DCPS: variants seen among roughly 807,000 people sequenced by gnomAD.
DCPS encodes decapping enzyme, scavenger.
DCPS carries 27 observed loss-of-function variants against 34.7 expected under a neutral mutation model. The ratio of observed to expected loss-of-function variants is 0.78; its 90% confidence interval spans 0.57 to 1.07. The LOEUF is 1.07. Among genes scored for constraint, DCPS ranks in the 50% least tolerant of loss-of-function variants. The pLI is 0.00. For synonymous variants in DCPS, 185 were observed against 185.7 expected, an observed-to-expected ratio of 1.00 and a Z score of 0.03; for missense variants, 464 against 436.9, an observed-to-expected ratio of 1.06 and a Z score of -0.55.
Position 126,345,470 on chromosome 11 carries a change from G to A in DCPS, c.871G>A (p.Gly291Ser), listed in dbSNP as rs1203872745. Reference sequence around the variant, plus strand: ...CCTGGGCTTCGAGGCCCCCGGCTCAGGCGTGGAGCGGGCCCACCTGCTGGC... The same window carrying A: ...CCTGGGCTTCGAGGCCCCCGGCTCAAGCGTGGAGCGGGCCCACCTGCTGGC... ...TALGFEAPGSGVERAHLLAEV... is the reference protein window; with the variant it reads ...TALGFEAPGSSVERAHLLAEV... The change falls in exon 6 of 6, where the codon GGC becomes AGC. Residue 291 changes from glycine (G) to serine (S), a missense_variant. By Grantham distance (56) the Gly-to-Ser change is moderately conservative. Transcript: ENST00000263579. The surrounding 1 kb of genome is among the most constrained non-coding windows in gnomAD (Gnocchi z 7.4). The A allele has an allele frequency of 6.2e-7, 1 of 1,614,056 alleles. No homozygotes were observed. The highest frequency in any genetic ancestry group is 2.2e-5 in the East Asian group (1 of 44,898).
intron 2 of DCPS, among the ~76,000 whole-genome samples, chr11:126,309,024 CT>C (rs543850318): frequency 0.067 from 9,300 of 138,212 alleles, 364 homozygotes; most frequent in East Asian, 0.16. Flanking sequence ...TTTCCTGCCC[CT>C]TTTTTTTTTT....
At position 126,336,869 on chromosome 11, in the gene DCPS, A is replaced by C. The variant is rs1352668792; in HGVS notation, c.523-1417A>C. On this transcript the variant is annotated intron_variant, in intron 3 of 5. Coordinates refer to ENST00000263579, the MANE Select transcript of DCPS (RefSeq NM_014026.6). This position sits in a 1 kb window ranked among gnomAD's most constrained non-coding sequence, Gnocchi z 6.3. ...GCCTGTCTTTTGTTGTGAATGGACC[A>C]CATTGTGACCGGCCTGTGGGTCTTG... is the stretch of plus-strand genomic sequence containing the variant. The C allele has an allele frequency of 6.6e-6, 1 of 152,112 alleles. No individual in the cohort carries two copies. The highest frequency in any genetic ancestry group is 2.4e-5 in the African/African-American group (1 of 41,368). 9.4% of individuals were successfully genotyped at this position (152,112 alleles called of 1,614,324 possible).
intron 2 of DCPS, among the ~76,000 whole-genome samples, chr11:126,309,111 G>A (rs189527462): frequency 1.6e-4 from 24 of 146,512 alleles, no homozygotes; most frequent in Non-Finnish European, 3.4e-4. Context: ...TGCAACCTCC[G>A]CCTCCCAGGT....
rs138437292 is a variant in DCPS, at chr11:126,309,567, T to C, written c.376+2823T>C. Reference sequence around the variant, plus strand: ...TCAATACAGACGCAATGTCCTTCTTTTTTTAAGTATTTTTATTCTTCATTT... The same window carrying C: ...TCAATACAGACGCAATGTCCTTCTTCTTTTAAGTATTTTTATTCTTCATTT... On this transcript the variant is annotated intron_variant, in intron 2 of 5. Transcript: ENST00000263579. Among the ~76,000 whole-genome samples, 18 of 152,344 alleles carry C rather than the reference T, an allele frequency of 1.2e-4. 1 individual carries two copies. Among genetic ancestry groups the C allele is most frequent in the African/African-American group, 4.3e-4 (18 of 41,578 alleles).
rs1338416102 is a variant in DCPS at position 126,323,135 on chromosome 11, A to C, written c.377-8270A>C. 6.6e-6 allele frequency among the ~76,000 whole-genome samples: 1 copy of C among 152,138 alleles called. No individual in the cohort carries two copies. The highest frequency in any genetic ancestry group is 2.4e-5 in the African/African-American group (1 of 41,442). ...ATGAGCCACCACACCCAGCCACCAA[A>C]TTCCTAAGTGTGACAGTAGAATAAA... On this transcript the variant is annotated intron_variant, in intron 2 of 5. Coordinates refer to ENST00000263579, the MANE Select transcript of DCPS (RefSeq NM_014026.6). The surrounding 1 kb of genome is among the most constrained non-coding windows in gnomAD (Gnocchi z 4.4).
Position 126,304,243 on chromosome 11 carries a change from G to T in DCPS, c.163G>T (p.Glu55Ter). The T allele has an allele frequency of 1.2e-6, 2 of 1,614,240 alleles. No homozygotes were observed. The highest frequency in any genetic ancestry group is 1.7e-5 in the Admixed American group (1 of 60,034). Residue 55 changes from glutamate to a stop codon, truncating the protein, a stop_gained, in exon 1 of 6, where the codon GAG becomes TAG. Coordinates refer to ENST00000263579, the MANE Select transcript of DCPS (RefSeq NM_014026.6). LOFTEE classifies it high-confidence loss of function. ...CTTCAGACTGCAGAAGGTGCTGAGG[G>T]AGTCTGCGCGGGACAAAATCATTTT... ...SGFRLQKVLR[E>*]SARDKIIFLH...
intron 2 of DCPS, among the ~76,000 whole-genome samples, chr11:126,309,941 T>C (rs914927402): frequency 6.6e-6 from 1 of 152,176 alleles, no homozygotes; most frequent in Non-Finnish European, 1.5e-5. Context: ...TCTCAACCCC[T>C]GTGAAAATGA....
chr11:126,306,729 C>G lies in DCPS; in HGVS notation c.361C>G (p.Pro121Ala). Residue 121 changes from proline (P) to alanine (A), a missense_variant, in exon 2 of 6, where the codon CCA (proline) becomes GCA (alanine). By Grantham distance (27) the Pro-to-Ala change is conservative. Transcript: ENST00000263579. ...CTACAGCACCTATCACTTGTTCCCT[C>G]CAAGACAACTGAATGGTGAGCAAGA... is the stretch of plus-strand genomic sequence containing the variant. ...DIYSTYHLFP[P>A]RQLNDVKTTV... 7.5e-6 allele frequency: 12 copies of G among 1,594,214 alleles called. No individual in the cohort carries two copies. The highest frequency in any genetic ancestry group is 1.0e-5 in the Non-Finnish European group (12 of 1,163,348).
In DCPS at chr11:126,323,275, A is replaced by G. The variant is rs1176931737; in HGVS notation, c.377-8130A>G. Among the ~76,000 whole-genome samples, 3 of 152,230 alleles carry G rather than the reference A, an allele frequency of 2.0e-5. No individual in the cohort carries two copies. Among genetic ancestry groups the G allele is most frequent in the Non-Finnish European group, 4.4e-5 (3 of 68,042 alleles). ...ATTTGATAATTCTGTACTGTTACCAATAGTTACAAGAGACCTTTTTAATCC... is the reference window on the plus strand; with the variant it reads ...ATTTGATAATTCTGTACTGTTACCAGTAGTTACAAGAGACCTTTTTAATCC... On this transcript the variant is annotated intron_variant, in intron 2 of 5. Coordinates refer to ENST00000263579, the MANE Select transcript of DCPS (RefSeq NM_014026.6). The surrounding 1 kb of genome is among the most constrained non-coding windows in gnomAD (Gnocchi z 4.4).
chr11:126,338,170 T>C lies in DCPS; in HGVS notation c.523-116T>C, dbSNP rs1189462698. ...GTAGATCCTCTGAGCGTGGCGGCCT[T>C]TTATGGCTTGGTTCTGTCTCCTGGA... is the stretch of plus-strand genomic sequence containing the variant. On this transcript the variant is annotated intron_variant, in intron 3 of 5. Coordinates refer to ENST00000263579, the MANE Select transcript of DCPS (RefSeq NM_014026.6). The surrounding 1 kb of genome is among the most constrained non-coding windows in gnomAD (Gnocchi z 5.4). 4 of 944,602 alleles carry C rather than the reference T, an allele frequency of 4.2e-6. No individual in the cohort carries two copies. In the East Asian group the frequency reaches 1.0e-4, roughly 25 times the overall value. 58.5% of individuals were successfully genotyped at this position (944,602 alleles called of 1,614,324 possible).
chr11:126,339,694 T>C (rs1951862616), intron 4 of DCPS, among the ~76,000 whole-genome samples: 1 of 152,236 alleles, frequency 6.6e-6, no homozygotes, highest in Admixed American at 6.5e-5. Flanking sequence ...CTGCATCCAC[T>C]CTGCCCTTCC....
intron 2 of DCPS, among the ~76,000 whole-genome samples, chr11:126,318,216 T>C (rs1951678094): frequency 6.6e-6 from 1 of 152,184 alleles, no homozygotes; most frequent in Non-Finnish European, 1.5e-5. Flanking sequence ...AATTAGTGGT[T>C]AGAGGCTTGC....
rs1260076493 is a variant in DCPS, at chr11:126,334,007, T to C, written c.522+2457T>C. On this transcript the variant is annotated intron_variant, in intron 3 of 5. Transcript: ENST00000263579. The surrounding 1 kb of genome is among the most constrained non-coding windows in gnomAD (Gnocchi z 5.5). Reference sequence around the variant, plus strand: ...CGATTTGCAGAATTAATTGGTGGAGTGGGGGTGAGCATAGAACAGGAAGAC... The same window carrying C: ...CGATTTGCAGAATTAATTGGTGGAGCGGGGGTGAGCATAGAACAGGAAGAC... Among the ~76,000 whole-genome samples the C allele has an allele frequency of 2.0e-5, 3 of 151,244 alleles. No homozygotes were observed. The highest frequency in any genetic ancestry group is 7.3e-5 in the African/African-American group (3 of 41,050).
rs1252244819 is a variant in DCPS at position 126,335,445 on chromosome 11, T to C, written c.523-2841T>C. Among the ~76,000 whole-genome samples the C allele has an allele frequency of 1.3e-5, 2 of 151,534 alleles. No individual in the cohort carries two copies. The highest frequency in any genetic ancestry group is 2.9e-5 in the Non-Finnish European group (2 of 67,858). On this transcript the variant is annotated intron_variant, in intron 3 of 5. Transcript: ENST00000263579. The surrounding 1 kb of genome is among the most constrained non-coding windows in gnomAD (Gnocchi z 4.8). ...TGTGAATTTTGTTCTTTCATTCTCC[T>C]TTTTTTTTATCTGGGCCCCTGGCCT...
rs539544388 is a variant in DCPS at position 126,349,339 on chromosome 11, A to G, written c.*3726A>G. On this transcript the variant is annotated 3_prime_UTR_variant, in exon 6 of 6. Coordinates refer to ENST00000263579, the MANE Select transcript of DCPS (RefSeq NM_014026.6). This position sits in a 1 kb window ranked among gnomAD's most constrained non-coding sequence, Gnocchi z 5.4. The stretch of plus-strand genomic sequence containing the variant: ...CAGTGGCAGATGTCACCCTTCCTAG[A>G]TAAATCCTGGACGGCTCCACGACTG... Among the ~76,000 whole-genome samples, 2 of 152,356 alleles carry G rather than the reference A, an allele frequency of 1.3e-5. No individual in the cohort carries two copies. The highest frequency in any genetic ancestry group is 3.4e-3 in the Middle Eastern group (1 of 294).
chr11:126,329,228 T>C lies in DCPS; in HGVS notation c.377-2177T>C, dbSNP rs1230660054. On this transcript the variant is annotated intron_variant, in intron 2 of 5. Transcript: ENST00000263579. The surrounding 1 kb of genome is among the most constrained non-coding windows in gnomAD (Gnocchi z 5.0). ...GAGTGAGAAGCAAGAAAGAGTCTTTTGCTGCTCCTCAGAGAGTTGTGAGGA... is the reference window on the plus strand; with the variant it reads ...GAGTGAGAAGCAAGAAAGAGTCTTTCGCTGCTCCTCAGAGAGTTGTGAGGA... 6.6e-6 allele frequency among the ~76,000 whole-genome samples: 1 copy of C among 152,222 alleles called. No homozygotes were observed. The highest frequency in any genetic ancestry group is 2.4e-5 in the African/African-American group (1 of 41,466).
At chr11:126,340,640 G>A (rs551863320) in intron 4 of DCPS, among the ~76,000 whole-genome samples, 2 of 152,318 alleles carry the variant, frequency 1.3e-5, no homozygotes, top group East Asian at 3.9e-4. Flanking sequence ...CTTTGGGACA[G>A]GGAAGGGCTG....
rs1951637189 is a variant in DCPS, at chr11:126,313,883, T to C, written c.376+7139T>C. Among the ~76,000 whole-genome samples the C allele has an allele frequency of 6.6e-6, 1 of 152,230 alleles. No individual in the cohort carries two copies. The highest frequency in any genetic ancestry group is 1.5e-5 in the Non-Finnish European group (1 of 68,040). On this transcript the variant is annotated intron_variant, in intron 2 of 5. Transcript: ENST00000263579. This position sits in a 1 kb window ranked among gnomAD's most constrained non-coding sequence, Gnocchi z 4.9. ...ACCTGTGTTTTATATGTATAATGTATTTCCCAGTTGAAAGGTAAGACAAAT... is the reference window on the plus strand; with the variant it reads ...ACCTGTGTTTTATATGTATAATGTACTTCCCAGTTGAAAGGTAAGACAAAT...
chr11:126,305,233 C>G (rs1487647383), intron 1 of DCPS, among the ~76,000 whole-genome samples: 1 of 152,072 alleles, frequency 6.6e-6, no homozygotes, highest in Non-Finnish European at 1.5e-5. Flanking sequence ...CCTGCCTCAG[C>G]CTGCCCAATA....
Sources: gnomAD v4.1 joint callset for allele counts (sites outside exome capture counted in the v4.1 genomes callset) on GRCh38, gnomAD v4.1.1 for gene constraint, Gnocchi (gnomAD v3.1) non-coding constraint, MANE v1.5 for transcripts, NCBI Gene and HGNC (gene_info 2026-07-23, HGNC 2026-07-21) for gene names.